GDPD5: variants seen among roughly 807,000 people sequenced by gnomAD.
The protein encoded by GDPD5 is glycerophosphodiester phosphodiesterase 2.
Under a neutral mutation model 75.1 loss-of-function variants are expected in GDPD5, and 48 were observed. The ratio of observed to expected loss-of-function variants is 0.64; its 90% CI spans 0.51 to 0.81. The LOEUF is 0.81. GDPD5 is among the 40% of genes least tolerant of loss of function. The probability of loss-of-function intolerance (pLI) is 0.00; values close to 1 mark genes in which losing one functional copy is unlikely to be tolerated. For synonymous variants in GDPD5, 336 were observed against 339.0 expected (o/e 0.99, Z 0.10); for missense variants, 706 against 822.6 (o/e 0.86, Z 1.73).
At chr11:75,493,073 C>T (rs889771260) in intron 1 of GDPD5, among the ~76,000 whole-genome samples, 4 of 152,030 alleles carry the variant, frequency 2.6e-5, no homozygotes, top group Admixed American at 6.6e-5. Flanking sequence ...ATGAGTGAAA[C>T]GAACGAGTAA....
At position 75,435,855 on chromosome 11, in the gene GDPD5, G is replaced by A. The variant is rs540621537; in HGVS notation, c.1670-200C>T. On this transcript the variant is annotated intron_variant, in intron 16 of 16. Coordinates refer to ENST00000336898, the MANE Select transcript of GDPD5 (RefSeq NM_030792.8). The stretch of plus-strand genomic sequence containing the variant: ...CACTCTAGCTTCGCCTTCATCTGCT[G>A]TCCCCTGGGACTCTGCAGCCACAGA... Among the ~76,000 whole-genome samples, 4 of 152,296 alleles carry A rather than the reference G, an allele frequency of 2.6e-5. No homozygotes were observed. The South Asian group carries it at 6.2e-4, about 24-fold the overall frequency.
chr11:75,440,689 A>G (rs981743257), intron 14 of GDPD5, among the ~76,000 whole-genome samples: 46 of 152,228 alleles, frequency 3.0e-4, no homozygotes, highest in Non-Finnish European at 4.9e-4. Context: ...CCGAGTAGCT[A>G]GGACTACAGG....
At chr11:75,474,269 C>T (rs1949734311) in intron 3 of GDPD5, among the ~76,000 whole-genome samples, 1 of 152,204 alleles carries the variant, frequency 6.6e-6, no homozygotes, top group Non-Finnish European at 1.5e-5. Context: ...CTGGGAAGTT[C>T]CTCCAGGCAT....
intron 8 of GDPD5, 141 bp from the exon 9 acceptor site, chr11:75,449,263 C>T: frequency 1.0e-6 from 1 of 999,016 alleles, no homozygotes; most frequent in South Asian, 1.5e-5. Context: ...ATGAACCCCG[C>T]CTCTAACTCA....
chr11:75,501,071 C>G (rs995802844), intron 1 of GDPD5, among the ~76,000 whole-genome samples: 1 of 152,224 alleles, frequency 6.6e-6, no homozygotes, highest in African/African-American at 2.4e-5. Flanking sequence ...TGATCTGACC[C>G]TGGGTCCCCA....
At chr11:75,442,313 T>C (rs1408547495) in intron 12 of GDPD5, 50 bp downstream of exon 12, 3 of 1,402,652 alleles carry the variant, frequency 2.1e-6, no homozygotes, top group South Asian at 1.3e-5. Context: ...GCAGCAGGGC[T>C]CTAGCCAGGC....
At chr11:75,454,145 T>A (rs1003626689) in intron 6 of GDPD5, among the ~76,000 whole-genome samples, 7 of 152,310 alleles carry the variant, frequency 4.6e-5, no homozygotes, top group Middle Eastern at 3.4e-3. Flanking sequence ...ATTTCCCACA[T>A]CTATAAAGAG....
chr11:75,516,404 T>C (rs531065283), intron 1 of GDPD5, among the ~76,000 whole-genome samples: 2 of 152,350 alleles, frequency 1.3e-5, no homozygotes, highest in South Asian at 4.1e-4. Context: ...ATGTACCCTC[T>C]CTGGCTGTGC....
chr11:75,474,721 C>T (rs1030301887), intron 3 of GDPD5, among the ~76,000 whole-genome samples: 11 of 152,168 alleles, frequency 7.2e-5, no homozygotes, highest in Non-Finnish European at 7.3e-5. Context: ...GCTCTCTCCA[C>T]GCACCCTCTC....
chr11:75,491,154 C>A (rs138300224), intron 1 of GDPD5, among the ~76,000 whole-genome samples: 58 of 152,320 alleles, frequency 3.8e-4, no homozygotes, highest in African/African-American at 1.3e-3. Context: ...AAACACACAC[C>A]TCTGTGTGTG....
chr11:75,481,125 A>G (rs774644978), intron 2 of GDPD5, among the ~76,000 whole-genome samples: 3 of 152,188 alleles, frequency 2.0e-5, no homozygotes, highest in Non-Finnish European at 2.9e-5. Context: ...GGCACTGACC[A>G]AAGTGCAGGG....
intron 2 of GDPD5, among the ~76,000 whole-genome samples, chr11:75,484,557 T>C (rs1160016749): frequency 4.6e-5 from 7 of 152,180 alleles, no homozygotes; most frequent in Admixed American, 4.6e-4. Context: ...TGCCAGCTTT[T>C]AACAGGTTTT....
intron 11 of GDPD5, chr11:75,442,913 T>A: frequency 1.6e-6 from 1 of 625,786 alleles, no homozygotes. Context: ...CTCATCCCTG[T>A]CAACCTTTTC....
intron 6 of GDPD5, chr11:75,450,815 T>C (rs1949124721): frequency 7.9e-6 from 1 of 126,880 alleles, no homozygotes; most frequent in South Asian, 2.9e-4. Context: ...CCCCCAGGCG[T>C]GCCTCCCCGA....
Position 75,470,108 on chromosome 11 carries a change from TGGA to T in GDPD5, c.118-7222_118-7220del, listed in dbSNP as rs148344473. Among the ~76,000 whole-genome samples the T allele has an allele frequency of 5.0e-3, 766 of 152,284 alleles. 6 individuals carry two copies. Among genetic ancestry groups the T allele is most frequent in the African/African-American group, 0.018 (736 of 41,558 alleles). ...AGGAGGGGTGAGCTAGAAGCCTTCC[TGGA>T]GGAGAAGACACCTGCAGCAAAGTGG... On this transcript the variant is annotated intron_variant, in intron 3 of 16. Transcript: ENST00000336898.
At chr11:75,477,850 C>T in intron 2 of GDPD5, 55 bp from the exon 3 acceptor site, 1 of 623,246 alleles carries the variant, frequency 1.6e-6, no homozygotes, top group East Asian at 2.8e-5. Flanking sequence ...AGTCAGGCAC[C>T]ACACAGCAAG....
intron 6 of GDPD5, among the ~76,000 whole-genome samples, chr11:75,456,281 G>T (rs1949284350): frequency 6.6e-6 from 1 of 152,124 alleles, no homozygotes; most frequent in Non-Finnish European, 1.5e-5. Flanking sequence ...GGAGCGGTGG[G>T]AGTGGTGGAA....
intron 6 of GDPD5, 84 bp from the exon 7 acceptor site, chr11:75,450,067 G>T: frequency 8.9e-7 from 1 of 1,121,024 alleles, no homozygotes; most frequent in Non-Finnish European, 1.3e-6. Flanking sequence ...CAGAGGGAGA[G>T]ACAGAGAGGG....
intron 3 of GDPD5, among the ~76,000 whole-genome samples, chr11:75,469,537 T>G (rs1421627219): frequency 6.6e-6 from 1 of 152,176 alleles, no homozygotes; most frequent in African/African-American, 2.4e-5. Flanking sequence ...ATGTAAATTA[T>G]CCTTGTCTGA....
Sources: allele counts gnomAD v4.1 joint callset (sites outside exome capture counted in the v4.1 genomes callset), GRCh38; gene constraint gnomAD v4.1.1; transcripts MANE v1.5; gene names NCBI Gene and HGNC (gene_info 2026-07-23, HGNC 2026-07-21).